CCAR2: variants seen among roughly 807,000 people sequenced by gnomAD.
CCAR2 encodes the protein cell cycle and apoptosis regulator 2, also known as cell cycle and apoptosis regulator protein 2.
In CCAR2, 21 loss-of-function variants were observed where a neutral mutation model predicts 108.1. The ratio of observed to expected loss-of-function variants is 0.19; its 90% CI spans 0.14 to 0.28. The LOEUF is 0.28. CCAR2 is among the 10% of genes least tolerant of loss of function. The pLI is 1.00. For missense variants in CCAR2, 1,126 were observed against 1,177.0 expected, an observed-to-expected ratio of 0.96 and a Z score of 0.63; for synonymous variants, 577 against 472.8, an observed-to-expected ratio of 1.22 and a Z score of -2.86.
chr8:22,606,298 T>TC, intron 3 of CCAR2, 122 bp downstream of exon 3: 1 of 881,174 alleles, frequency 1.1e-6, no homozygotes, highest in Non-Finnish European at 1.8e-6. Context: ...GGTAGTGGGC[T>TC]AGTATGGGGT....
At position 22,618,735 on chromosome 8, in the gene CCAR2, TCTGGGGCCCTGCAGCCTTC is replaced by T. The variant is rs753017208; in HGVS notation, c.2332+15_2332+33del. 6.8e-6 allele frequency: 11 copies of T among 1,613,874 alleles called. No individual in the cohort carries two copies. Among genetic ancestry groups the T allele is most frequent in the South Asian group, 1.1e-5 (1 of 91,088 alleles). ...CCCGAGGAGGTGCTCTTCGGTATGT[TCTGGGGCCCTGCAGCCTTC>T]CTGGGGCACGGGCAGGGCAGGCTGC... On this transcript the variant is annotated splice_region_variant and intron_variant, in intron 18 of 20. Transcript: ENST00000308511.
At position 22,610,859 on chromosome 8, in the gene CCAR2, G is replaced by T. The variant is rs1435277575; in HGVS notation, c.585-2158G>T. 2.0e-5 allele frequency among the ~76,000 whole-genome samples: 3 copies of T among 152,242 alleles called. No homozygotes were observed. In the East Asian group the frequency reaches 5.8e-4, roughly 29 times the overall value. On this transcript the variant is annotated intron_variant, in intron 7 of 20. Transcript: ENST00000308511. ...GGTTTTATTTCTCTCATGTGACATG[G>T]GGGGTTTTCCCCTTATCAGTCTGGC...
rs200695963 is a variant in CCAR2, at chr8:22,618,823, C to T, written c.2333-4C>T. On this transcript the variant is annotated splice_polypyrimidine_tract_variant and splice_region_variant and intron_variant, in intron 18 of 20. Transcript: ENST00000308511. Reference sequence around the variant, plus strand: ...CCTGAATTCTTTTTCACGGTTCTCTCTAGGAAACCTGGACCTGCTGCCCCC... The same window carrying T: ...CCTGAATTCTTTTTCACGGTTCTCTTTAGGAAACCTGGACCTGCTGCCCCC... The T allele has an allele frequency of 1.2e-6, 2 of 1,613,294 alleles. No individual in the cohort carries two copies. The highest frequency in any genetic ancestry group is 1.3e-5 in the African/African-American group (1 of 74,884).
At chr8:22,616,984 C>A (rs1226281260) in intron 14 of CCAR2, among the ~76,000 whole-genome samples, 1 of 128,698 alleles carries the variant, frequency 7.8e-6, no homozygotes, top group South Asian at 2.9e-4. Context: ...CAGGTTCAAA[C>A]GATTCTCCTG....
chr8:22,610,639 A>C (rs1222691747), intron 7 of CCAR2, among the ~76,000 whole-genome samples: 1 of 152,220 alleles, frequency 6.6e-6, no homozygotes, highest in Non-Finnish European at 1.5e-5. Context: ...GAAGAAGGCC[A>C]CTTTTGGATG....
chr8:22,608,186 T>C, intron 7 of CCAR2, 121 bp downstream of exon 7: 1 of 703,032 alleles, frequency 1.4e-6, no homozygotes, highest in Non-Finnish European at 2.4e-6. Context: ...AAGGTGGCTA[T>C]GCTTACCACT....
chr8:22,621,327 T>TG (rs1043135079), downstream of CCAR2: 1 of 1,467,766 alleles, frequency 6.8e-7, no homozygotes, highest in African/African-American at 1.4e-5. Flanking sequence ...GGGCCACCTC[T>TG]GTCCCCAGCC....
intron 8 of CCAR2, 142 bp downstream of exon 8, chr8:22,613,278 C>A: frequency 1.3e-5 from 11 of 836,820 alleles, no homozygotes; most frequent in East Asian, 3.9e-5. Context: ...ACCTGTTGTA[C>A]ATACTGTTTG....
chr8:22,615,810 A>C lies in CCAR2; in HGVS notation c.1506A>C (p.Pro502=), dbSNP rs1585162789. 6.2e-7 allele frequency: 1 copy of C among 1,613,016 alleles called. No individual in the cohort carries two copies. The highest frequency in any genetic ancestry group is 8.5e-7 in the Non-Finnish European group (1 of 1,179,834). ...ETDTDLPEAP[P]PPLEPAVIAR... is the part of the protein sequence containing the mutation. ...ACACTGATCTCCCAGAGGCCCCTCC[A>C]CCCCCCCTAGAACCTGCTGTCATCG... The change falls in exon 13 of 21, where the codon CCA becomes CCC. Residue 502 remains proline (P), a synonymous_variant. Transcript: ENST00000308511.
chr8:22,607,687 C>T (rs1235415680), intron 6 of CCAR2, among the ~76,000 whole-genome samples: 3 of 151,858 alleles, frequency 2.0e-5, no homozygotes, highest in Admixed American at 6.6e-5. Context: ...TACAGTGGCG[C>T]GATCTCGGCT....
chr8:22,612,327 G>GT (rs1329838017), intron 7 of CCAR2, among the ~76,000 whole-genome samples: 5 of 151,494 alleles, frequency 3.3e-5, no homozygotes, highest in African/African-American at 1.2e-4. Flanking sequence ...GAGTGCAGTG[G>GT]TGCAACCTTG....
intron 7 of CCAR2, among the ~76,000 whole-genome samples, chr8:22,609,605 C>T (rs1801204030): frequency 2.0e-5 from 3 of 152,196 alleles, no homozygotes; most frequent in Non-Finnish European, 4.4e-5. Context: ...TTTACCCACT[C>T]CTCTTGTCCT....
chr8:22,605,817 GA>G lies in CCAR2; in HGVS notation c.45del (p.Arg16AlafsTer65). 1 of 1,614,028 alleles carries G rather than the reference GA, an allele frequency of 6.2e-7. No individual in the cohort carries two copies. Among genetic ancestry groups the G allele is most frequent in the Non-Finnish European group, 8.5e-7 (1 of 1,179,952 alleles). On this transcript the variant is annotated frameshift_variant, in exon 2 of 21. Transcript: ENST00000308511. LOFTEE classifies it high-confidence loss of function. ...CAGCGGATCAACCCGCTTCCAGGGG[GA>G]CGCAACTTCTCAGGTGATCACTGTT... ...KRQRINPLPG[G>X]RNFSGTASTS...
chr8:22,605,575 A>T, intron 1 of CCAR2, 161 bp from the exon 2 acceptor site: 1 of 588,076 alleles, frequency 1.7e-6, no homozygotes. Context: ...TTCTTGTTTC[A>T]TTTCTTTCTT....
intron 7 of CCAR2, among the ~76,000 whole-genome samples, chr8:22,610,438 T>C (rs999601781): frequency 2.6e-5 from 4 of 152,202 alleles, no homozygotes; most frequent in Non-Finnish European, 4.4e-5. Flanking sequence ...CAGCCCCTGG[T>C]GCTGCCTTAC....
intron 1 of CCAR2, chr8:22,605,270 AT>A (rs949710937): frequency 1.6e-4 from 26 of 162,264 alleles, no homozygotes; most frequent in Non-Finnish European, 2.7e-4. Context: ...GGCCTCCTCC[AT>A]TTTTCCGGGC....
rs1801705179 is a variant in CCAR2, at chr8:22,619,999, T to TCA, written c.*318_*319insAC. ...TTGTGCTGACTTTCTCCTGTCCTCT[T>TCA]CCAGTTTAGAATAAGACAGGGGAGA... On this transcript the variant is annotated 3_prime_UTR_variant, in exon 21 of 21. Coordinates refer to ENST00000308511, the MANE Select transcript of CCAR2 (RefSeq NM_001393997.1). 2.5e-6 allele frequency: 1 copy of TCA among 393,826 alleles called. No homozygotes were observed. The highest frequency in any genetic ancestry group is 2.0e-5 in the African/African-American group (1 of 49,274). 24.4% of individuals were successfully genotyped at this position (393,826 alleles called of 1,614,324 possible).
intron 15 of CCAR2, 53 bp downstream of exon 15, chr8:22,617,617 C>T: frequency 6.2e-7 from 1 of 1,611,368 alleles, no homozygotes; most frequent in South Asian, 1.1e-5. Flanking sequence ...GGCTTTCCAC[C>T]TGTGGCCAAG....
intron 14 of CCAR2, 97 bp from the exon 15 acceptor site, chr8:22,617,323 C>A: frequency 7.1e-7 from 1 of 1,405,830 alleles, no homozygotes. Context: ...CATACAGTGC[C>A]TGGGGCATAG....
Sources: gnomAD v4.1 joint callset for allele counts (sites outside exome capture counted in the v4.1 genomes callset) on GRCh38, gnomAD v4.1.1 for gene constraint, MANE v1.5 for transcripts, NCBI Gene and HGNC (gene_info 2026-07-23, HGNC 2026-07-21) for gene names.